ABCC12: variants seen among roughly 807,000 people sequenced by gnomAD.
ABCC12 encodes ATP-binding cassette sub-family C member 12.
A neutral mutation model predicts 151.1 loss-of-function variants in ABCC12; 142 were observed. That is an observed-to-expected ratio of 0.94 (90% CI 0.82 to 1.08). The LOEUF (loss-of-function observed/expected upper bound fraction) is 1.08. Ranked by LOEUF, ABCC12 falls within the 50% of genes least tolerant of loss-of-function variation. ABCC12 has a pLI of 0.00. For missense variants in ABCC12, 1,638 were observed against 1,691.1 expected (o/e 0.97, Z 0.55); for synonymous variants, 645 against 646.4 (o/e 1.00, Z 0.03).
intron 1 of ABCC12, among the ~76,000 whole-genome samples, chr16:48,155,376 TAA>T (rs111585385): frequency 8.2e-4 from 103 of 125,068 alleles, no homozygotes; most frequent in African/African-American, 1.9e-3. Flanking sequence ...ATTTAAAAGT[TAA>T]AAAAAAAAAA....
chr16:48,124,406 G>T, intron 11 of ABCC12, 122 bp from the exon 12 acceptor site: 1 of 909,024 alleles, frequency 1.1e-6, no homozygotes, highest in Non-Finnish European at 1.8e-6. Context: ...GTCACTGCAG[G>T]CTCTGGGGCA....
intron 22 of ABCC12, among the ~76,000 whole-genome samples, chr16:48,101,582 GC>G (rs908392937): frequency 9.9e-5 from 15 of 151,884 alleles, no homozygotes; most frequent in African/African-American, 3.4e-4. Flanking sequence ...CAGCTGGCTG[GC>G]CCCCGAGAGA....
intron 11 of ABCC12, among the ~76,000 whole-genome samples, chr16:48,124,911 T>C (rs1749608003): frequency 6.6e-6 from 1 of 152,048 alleles, no homozygotes; most frequent in African/African-American, 2.4e-5. Context: ...CAGGGGAAGA[T>C]GGACAGGAAG....
chr16:48,146,522 TTGGG>T, intron 2 of ABCC12, 48 bp from the exon 3 acceptor site: 5 of 979,658 alleles, frequency 5.1e-6, no homozygotes, highest in Non-Finnish European at 6.4e-6. Context: ...GGATGTCTGA[TTGGG>T]ATCAGGCAGC....
intron 26 of ABCC12, 94 bp downstream of exon 26, chr16:48,088,451 A>T: frequency 2.1e-6 from 3 of 1,403,340 alleles, no homozygotes; most frequent in South Asian, 1.4e-5. Flanking sequence ...TCTGACACAC[A>T]TACACATCAC....
At position 48,085,547 on chromosome 16, in the gene ABCC12, G is replaced by A. The variant is rs780968232; in HGVS notation, c.3828+46C>T. ...TGCCTCCTGGATTGAGTGGCGCTGC[G>A]GGAAATATCCAAAATTTGACCAATC... On this transcript the variant is annotated intron_variant, in intron 29 of 30. Coordinates refer to ENST00000311303, the MANE Select transcript of ABCC12 (RefSeq NM_001393797.1). 1.8e-5 allele frequency: 28 copies of A among 1,556,176 alleles called. 1 individual carries two copies. The highest frequency in any genetic ancestry group is 1.1e-4 in the East Asian group (5 of 44,556).
At chr16:48,125,869 A>G in intron 11 of ABCC12, among the ~76,000 whole-genome samples, 1 of 152,212 alleles carries the variant, frequency 6.6e-6, no homozygotes, top group Non-Finnish European at 1.5e-5. Context: ...ATAGTGATCC[A>G]CACAGAGGTC....
intron 5 of ABCC12, 47 bp from the exon 6 acceptor site, chr16:48,140,967 G>C (rs747368621): frequency 1.3e-6 from 2 of 1,563,442 alleles, no homozygotes; most frequent in Non-Finnish European, 1.8e-6. Context: ...TGAGGGCTGA[G>C]GCTGGCATAG....
chr16:48,138,634 T>C (rs1438456760), intron 7 of ABCC12, among the ~76,000 whole-genome samples: 1 of 152,070 alleles, frequency 6.6e-6, no homozygotes, highest in Non-Finnish European at 1.5e-5. Context: ...GAAGAGGCAT[T>C]CCACTTCCTA....
chr16:48,115,517 G>T lies in ABCC12; in HGVS notation c.1887C>A (p.Pro629=). 1 of 1,613,984 alleles carries T rather than the reference G, an allele frequency of 6.2e-7. No homozygotes were observed. Among genetic ancestry groups the T allele is most frequent in the Non-Finnish European group, 8.5e-7 (1 of 1,179,850 alleles). Residue 629 remains proline, a synonymous_variant, in exon 15 of 31, where the codon CCC becomes CCA. Transcript: ENST00000311303. ...SDRQLYLLDD[P]LSAVDAHVGK... ...CCACGTGGGCGTCCACGGCCGACAG[G>T]GGGTCGTCCAGCAGGTAGAGCTGAC...
chr16:48,123,657 CAT>C (rs1182595158), intron 12 of ABCC12, among the ~76,000 whole-genome samples: 1 of 152,186 alleles, frequency 6.6e-6, no homozygotes, highest in African/African-American at 2.4e-5. Flanking sequence ...ACCGTGGCAA[CAT>C]AGAGGTTTGT....
chr16:48,100,770 G>T, intron 23 of ABCC12, 102 bp downstream of exon 23: 1 of 1,383,466 alleles, frequency 7.2e-7, no homozygotes, highest in Non-Finnish European at 9.7e-7. Flanking sequence ...CTTTGTCTGT[G>T]ATCAGTCCCC....
At chr16:48,139,556 C>A (rs1964734620) in intron 6 of ABCC12, among the ~76,000 whole-genome samples, 1 of 152,134 alleles carries the variant, frequency 6.6e-6, no homozygotes, top group Non-Finnish European at 1.5e-5. Context: ...TGCAGAAAGA[C>A]AAAGTGTAAT....
chr16:48,086,580 GA>G, intron 28 of ABCC12, 160 bp downstream of exon 28: 2 of 638,788 alleles, frequency 3.1e-6, no homozygotes, highest in Non-Finnish European at 5.6e-6. Flanking sequence ...CTTTTAATAG[GA>G]AAGAATAACT....
intron 13 of ABCC12, 110 bp from the exon 14 acceptor site, chr16:48,117,443 C>T (rs1054296453): frequency 4.4e-5 from 52 of 1,178,778 alleles, no homozygotes; most frequent in East Asian, 1.5e-4. Flanking sequence ...CCAGGGGTGG[C>T]GGCTGCTATG....
chr16:48,128,843 C>A lies in ABCC12; in HGVS notation c.1237-106G>T. On this transcript the variant is annotated intron_variant, in intron 10 of 30. Coordinates refer to ENST00000311303, the MANE Select transcript of ABCC12 (RefSeq NM_001393797.1). ...AAATCACAATTTTGGCTATTCTAAC[C>A]CACCACATCCAGGAAAGAGGTTCTG... is the stretch of plus-strand genomic sequence containing the variant. The A allele has an allele frequency of 3.2e-6, 4 of 1,239,230 alleles. No individual in the cohort carries two copies. In the East Asian group the frequency reaches 9.3e-5, roughly 29 times the overall value. 76.8% of individuals were successfully genotyped at this position (1,239,230 alleles called of 1,614,324 possible). A position where few individuals can be genotyped will look rare whatever the true frequency, so the allele number is the denominator to read the frequency against.
At chr16:48,097,707 G>T (rs1233431867) in intron 23 of ABCC12, among the ~76,000 whole-genome samples, 1 of 152,164 alleles carries the variant, frequency 6.6e-6, no homozygotes, top group Non-Finnish European at 1.5e-5. Context: ...CTTGGAGGCT[G>T]CAGTCTTGAT....
intron 2 of ABCC12, among the ~76,000 whole-genome samples, chr16:48,151,185 G>A (rs762763495): frequency 2.6e-5 from 4 of 152,160 alleles, no homozygotes; most frequent in Non-Finnish European, 4.4e-5. Context: ...TGTTGATAAC[G>A]TGTACCCTTA....
intron 19 of ABCC12, among the ~76,000 whole-genome samples, chr16:48,107,940 T>G (rs1323860166): frequency 6.6e-6 from 1 of 151,556 alleles, no homozygotes; most frequent in Non-Finnish European, 1.5e-5. Context: ...AGGCAGAGGT[T>G]GGAGGTTGCA....
Sources: allele counts gnomAD v4.1 joint callset (sites outside exome capture counted in the v4.1 genomes callset), GRCh38; gene constraint gnomAD v4.1.1; transcripts MANE v1.5; gene names NCBI Gene and HGNC (gene_info 2026-07-23, HGNC 2026-07-21).